The following CUBN variants were observed in gnomAD, a reference collection of about 807,000 sequenced individuals.
CUBN encodes the protein cubilin, also known as 460 kDa receptor.
Under a neutral mutation model 405.3 loss-of-function variants are expected in CUBN, and 282 were observed. That is an observed-to-expected ratio of 0.70 (90% CI 0.63 to 0.77). The LOEUF (loss-of-function observed/expected upper bound fraction) is 0.77, where lower values mean the gene tolerates loss of function less well. CUBN is among the 30% of genes least tolerant of loss of function. The pLI, the probability that CUBN is intolerant of heterozygous loss-of-function variation, is 0.00. For synonymous variants in CUBN, 1,684 were observed against 1,617.0 expected (o/e 1.04, Z -0.99); for missense variants, 4,514 against 4,475.2 (o/e 1.01, Z -0.25).
chr10:17,015,493 C>T (rs1179981233), intron 28 of CUBN, among the ~76,000 whole-genome samples: 2 of 152,186 alleles, frequency 1.3e-5, no homozygotes, highest in Non-Finnish European at 2.9e-5. Flanking sequence ...TACAGGATGT[C>T]CCAGGATTCC....
chr10:16,975,574 A>T (rs61841502), intron 31 of CUBN, among the ~76,000 whole-genome samples: 16,895 of 151,692 alleles, frequency 0.11, 1,200 homozygotes, highest in Non-Finnish European at 0.16. Flanking sequence ...CATGGTCAAA[A>T]CTATAAGTAG....
rs1278679762 is a variant in CUBN at position 16,937,625 on chromosome 10, C to T, written c.5893G>A (p.Ala1965Thr). 6.2e-7 allele frequency: 1 copy of T among 1,613,976 alleles called. No homozygotes were observed. The highest frequency in any genetic ancestry group is 8.5e-7 in the Non-Finnish European group (1 of 1,179,950). Reference protein sequence around the residue: ...GFLLEWFAVDAPDGVLPTIAP... With the variant: ...GFLLEWFAVDTPDGVLPTIAP... ...ATGGTAGGTAAAACACCATCAGGTGCATCCACTGCAAACCACTCCAGAAGG... is the reference window on the plus strand; with the variant it reads ...ATGGTAGGTAAAACACCATCAGGTGTATCCACTGCAAACCACTCCAGAAGG... The change falls in exon 39 of 67, where the codon GCA (alanine) becomes ACA (threonine). Residue 1965 changes from alanine to threonine, a missense_variant. Transcript: ENST00000377833.
chr10:17,018,324 A>C (rs1377389762), intron 28 of CUBN, among the ~76,000 whole-genome samples: 2 of 152,138 alleles, frequency 1.3e-5, no homozygotes, highest in Non-Finnish European at 2.9e-5. Flanking sequence ...TATTCCTTCC[A>C]GTGGGTTCTT....
intron 31 of CUBN, among the ~76,000 whole-genome samples, chr10:16,979,377 C>T (rs55849629): frequency 0.025 from 3,819 of 152,132 alleles, 159 homozygotes; most frequent in African/African-American, 0.088. Context: ...AGAGCCTGTA[C>T]AGCCAAGACA....
intron 28 of CUBN, among the ~76,000 whole-genome samples, chr10:17,005,061 T>C (rs1588572351): frequency 6.6e-6 from 1 of 152,278 alleles, no homozygotes; most frequent in Non-Finnish European, 1.5e-5. Flanking sequence ...TGGGCATCCC[T>C]CTACTTGCCA....
chr10:16,835,622 T>C (rs1201551678), intron 63 of CUBN, among the ~76,000 whole-genome samples: 2 of 151,882 alleles, frequency 1.3e-5, no homozygotes, highest in Non-Finnish European at 2.9e-5. Flanking sequence ...CTTTTTTTTT[T>C]TTTTGGTAAA....
At chr10:17,044,903 G>A (rs1010680535) in intron 25 of CUBN, 104 bp downstream of exon 25, 20 of 1,156,128 alleles carry the variant, frequency 1.7e-5, no homozygotes, top group East Asian at 4.7e-5. Flanking sequence ...ATGGATGTTC[G>A]GTTTAGATGC....
intron 28 of CUBN, among the ~76,000 whole-genome samples, chr10:16,994,818 G>A (rs576059062): frequency 2.0e-5 from 3 of 152,302 alleles, no homozygotes; most frequent in East Asian, 3.9e-4. Context: ...AGCCAGGCGT[G>A]GTAGTTCACA....
chr10:16,915,839 A>T lies in CUBN; in HGVS notation c.7192T>A (p.Trp2398Arg). The change falls in exon 46 of 67, where the codon TGG (tryptophan) becomes AGG (arginine). Residue 2398 changes from tryptophan (W) to arginine (R), a missense_variant. Physicochemically the swap from Trp to Arg is moderately radical, Grantham distance 101 (BLOSUM62 -3). Around this residue, in one of 5 missense-constraint regions of CUBN, gnomAD observed 1,613 missense variants for 1,542.8 expected, o/e 1.05. Coordinates refer to ENST00000377833, the MANE Select transcript of CUBN (RefSeq NM_001081.4). ...SGCEKDFVEI[W>R]DNHTSGNILG... ...TACTAACCAGAGGTATGATTGTCCC[A>T]GATCTCCACGAAGTCTTTTTCACAG... 7 of 1,613,368 alleles carry T rather than the reference A, an allele frequency of 4.3e-6. No individual in the cohort carries two copies. Among genetic ancestry groups the T allele is most frequent in the South Asian group, 1.1e-5 (1 of 91,060 alleles).
At chr10:16,854,286 A>T (rs1358963380) in intron 59 of CUBN, among the ~76,000 whole-genome samples, 1 of 152,232 alleles carries the variant, frequency 6.6e-6, no homozygotes, top group East Asian at 1.9e-4. Context: ...AGGGCACATG[A>T]AGGAGAATAA....
chr10:16,893,346 G>GTTATGT (rs1422868029), intron 54 of CUBN, among the ~76,000 whole-genome samples: 9 of 151,960 alleles, frequency 5.9e-5, no homozygotes, highest in Non-Finnish European at 1.0e-4. Context: ...CAGGTTACTG[G>GTTATGT]CATTGACATA....
chr10:17,124,402 CTTT>C (rs930811030), intron 4 of CUBN, among the ~76,000 whole-genome samples: 1 of 148,882 alleles, frequency 6.7e-6, no homozygotes, highest in African/African-American at 2.6e-5. Flanking sequence ...TCTTTTTTTT[CTTT>C]TTTCTTTTTT....
At chr10:17,115,017 G>A (rs917222773) in intron 7 of CUBN, among the ~76,000 whole-genome samples, 1 of 152,180 alleles carries the variant, frequency 6.6e-6, no homozygotes, top group Non-Finnish European at 1.5e-5. Context: ...GCTGAGGCGG[G>A]TGGATCACCT....
intron 64 of CUBN, among the ~76,000 whole-genome samples, chr10:16,833,594 A>G (rs1315765328): frequency 6.6e-6 from 1 of 152,200 alleles, no homozygotes; most frequent in Non-Finnish European, 1.5e-5. Flanking sequence ...AGGTGCCAGC[A>G]GCCCTAGGAG....
rs567981138 is a variant in CUBN at position 16,907,664 on chromosome 10, T to C, written c.7549A>G (p.Arg2517Gly). The change falls in exon 49 of 67, where the codon AGA becomes GGA. Residue 2517 changes from arginine (R) to glycine (G), a missense_variant. Physicochemically the swap from Arg to Gly is moderately radical, Grantham distance 125. Transcript: ENST00000377833. ...NEHVIVFNGI[R>G]SNSPQLEKLC... The stretch of plus-strand genomic sequence containing the variant: ...TTCTCTAGCTGGGGTGAGTTACTTC[T>C]AATGCCATTGAATACCTGTTGGAAA... 2 of 1,612,236 alleles carry C rather than the reference T, an allele frequency of 1.2e-6. No individual in the cohort carries two copies. The highest frequency in any genetic ancestry group is 1.3e-5 in the African/African-American group (1 of 75,002).
chr10:16,828,851 T>C lies in CUBN; in HGVS notation c.10718A>G (p.Asp3573Gly). 6.2e-7 allele frequency: 1 copy of C among 1,614,164 alleles called. No homozygotes were observed. Among genetic ancestry groups the C allele is most frequent in the Non-Finnish European group, 8.5e-7 (1 of 1,180,022 alleles). Residue 3573 changes from aspartate (D) to glycine (G), a missense_variant, in exon 66 of 67, where the codon GAT (aspartate) becomes GGT (glycine). Coordinates refer to ENST00000377833, the MANE Select transcript of CUBN (RefSeq NM_001081.4). ...DCVQNYLTLY[D>G]GPNASSPSSG... ...GGATGGAGAGCTGGCGTTGGGCCCA[T>C]CATAGAGTGTGAGATAGTTCTGGAC...
chr10:17,070,834 C>T (rs1588623619), intron 19 of CUBN, among the ~76,000 whole-genome samples: 1 of 152,158 alleles, frequency 6.6e-6, no homozygotes, highest in African/African-American at 2.4e-5. Context: ...CGTTCCCTTT[C>T]ATTCTGGATG....
chr10:16,861,010 A>G (rs1839996812), intron 59 of CUBN, among the ~76,000 whole-genome samples: 1 of 152,072 alleles, frequency 6.6e-6, no homozygotes, highest in Non-Finnish European at 1.5e-5. Context: ...TGGCCTTTGC[A>G]TATCTCTCCT....
chr10:16,986,699 T>C (rs1833437049), intron 29 of CUBN, among the ~76,000 whole-genome samples: 1 of 152,134 alleles, frequency 6.6e-6, no homozygotes, highest in Admixed American at 6.5e-5. Flanking sequence ...AGAAGCAAGC[T>C]TGCATGGTGT....
Sources: allele counts gnomAD v4.1 joint callset (sites outside exome capture counted in the v4.1 genomes callset), GRCh38; gene constraint gnomAD v4.1.1; regional missense constraint gnomAD v4.1.1; transcripts MANE v1.5; gene names NCBI Gene and HGNC (gene_info 2026-07-23, HGNC 2026-07-21).